CCDC85A: variants seen among roughly 807,000 people sequenced by gnomAD.
CCDC85A encodes coiled-coil domain-containing protein 85A.
CCDC85A carries 38 observed loss-of-function variants against 50.2 expected under a neutral mutation model. That is an observed-to-expected ratio of 0.76 (90% CI 0.58 to 0.99). CCDC85A has a LOEUF of 0.99. Among genes scored for constraint, CCDC85A ranks in the 50% least tolerant of loss-of-function variants. The pLI is 0.00. For missense variants in CCDC85A, 820 were observed against 742.0 expected, an observed-to-expected ratio of 1.11 and a Z score of -1.22; for synonymous variants, 366 against 301.4, an observed-to-expected ratio of 1.21 and a Z score of -2.22.
chr2:56,314,244 G>C (rs1672820568), intron 2 of CCDC85A, among the ~76,000 whole-genome samples: 1 of 151,408 alleles, frequency 6.6e-6, no homozygotes, highest in African/African-American at 2.4e-5. Flanking sequence ...CCTGTGGTCA[G>C]AGCTGGGGTC....
chr2:56,301,091 A>G (rs181386864), intron 2 of CCDC85A, among the ~76,000 whole-genome samples: 1 of 152,312 alleles, frequency 6.6e-6, no homozygotes, highest in African/African-American at 2.4e-5. Context: ...TGAAATATTT[A>G]TTTAGAAAAA....
At chr2:56,360,245 T>A (rs1675456756) in intron 3 of CCDC85A, among the ~76,000 whole-genome samples, 1 of 152,268 alleles carries the variant, frequency 6.6e-6, no homozygotes, top group African/African-American at 2.4e-5. Flanking sequence ...TCTGTAGCAC[T>A]TAATGTTTTC....
intron 2 of CCDC85A, among the ~76,000 whole-genome samples, chr2:56,196,757 G>C (rs1432873942): frequency 6.6e-6 from 1 of 151,736 alleles, no homozygotes. Flanking sequence ...AATGAATGCA[G>C]AAGAAAAAAT....
chr2:56,377,233 G>A (rs2104400621), intron 5 of CCDC85A, among the ~76,000 whole-genome samples: 1 of 152,266 alleles, frequency 6.6e-6, no homozygotes, highest in South Asian at 2.1e-4. Flanking sequence ...AGTGTGAGGG[G>A]GCACTGCTTT....
At chr2:56,268,021 G>A (rs1670528312) in intron 2 of CCDC85A, among the ~76,000 whole-genome samples, 1 of 152,140 alleles carries the variant, frequency 6.6e-6, no homozygotes. Flanking sequence ...GTTAAGTGAT[G>A]CCCCTAAAGC....
chr2:56,370,070 T>C (rs1213396362), intron 3 of CCDC85A, among the ~76,000 whole-genome samples: 1 of 152,042 alleles, frequency 6.6e-6, no homozygotes, highest in Non-Finnish European at 1.5e-5. Context: ...ACTTGGAATT[T>C]TAGAAAACTA....
At chr2:56,233,378 G>C (rs1668860228) in intron 2 of CCDC85A, among the ~76,000 whole-genome samples, 1 of 152,176 alleles carries the variant, frequency 6.6e-6, no homozygotes, top group Non-Finnish European at 1.5e-5. Context: ...AAGAATAGCA[G>C]AGGGAATACA....
intron 2 of CCDC85A, among the ~76,000 whole-genome samples, chr2:56,342,421 G>A (rs879702835): frequency 6.6e-6 from 1 of 152,066 alleles, no homozygotes; most frequent in Non-Finnish European, 1.5e-5. Flanking sequence ...ACTGGATTTC[G>A]GTATTAGATT....
chr2:56,321,159 T>G (rs1002400718), intron 2 of CCDC85A, among the ~76,000 whole-genome samples: 1 of 152,070 alleles, frequency 6.6e-6, no homozygotes, highest in African/African-American at 2.4e-5. Flanking sequence ...GAAGAGCTAT[T>G]TATGACAAAC....
At chr2:56,225,829 C>A (rs961857212) in intron 2 of CCDC85A, among the ~76,000 whole-genome samples, 4 of 152,158 alleles carry the variant, frequency 2.6e-5, no homozygotes, top group Non-Finnish European at 5.9e-5. Flanking sequence ...CTTGATCCTG[C>A]TCTTGTCTCA....
intron 2 of CCDC85A, among the ~76,000 whole-genome samples, chr2:56,308,980 G>A (rs1672567525): frequency 6.6e-6 from 1 of 152,144 alleles, no homozygotes; most frequent in African/African-American, 2.4e-5. Context: ...TTGGAGGAAG[G>A]GAGATCTGTG....
intron 2 of CCDC85A, among the ~76,000 whole-genome samples, chr2:56,322,239 G>A (rs184673792): frequency 4.5e-4 from 68 of 152,182 alleles, no homozygotes; most frequent in African/African-American, 1.4e-3. Flanking sequence ...ATGGGCAAGG[G>A]CTTCATGTCT....
At chr2:56,227,099 C>A (rs1444299031) in intron 2 of CCDC85A, among the ~76,000 whole-genome samples, 1 of 152,084 alleles carries the variant, frequency 6.6e-6, no homozygotes. Flanking sequence ...TGCATAGAAT[C>A]CTCTTTTATT....
intron 3 of CCDC85A, among the ~76,000 whole-genome samples, chr2:56,363,090 A>T (rs945206855): frequency 6.6e-6 from 1 of 152,216 alleles, no homozygotes; most frequent in Non-Finnish European, 1.5e-5. Flanking sequence ...GAATAAAAAA[A>T]TCTTGTTTTC....
intron 2 of CCDC85A, among the ~76,000 whole-genome samples, chr2:56,276,058 T>A (rs1002139983): frequency 3.3e-5 from 5 of 152,164 alleles, no homozygotes; most frequent in Non-Finnish European, 7.3e-5. Flanking sequence ...GTTAATCAAT[T>A]TACTCAGATT....
intron 2 of CCDC85A, among the ~76,000 whole-genome samples, chr2:56,208,633 T>G (rs1677050845): frequency 6.6e-6 from 1 of 152,120 alleles, no homozygotes; most frequent in South Asian, 2.1e-4. Context: ...AAACCCAGGT[T>G]GATTCAGAGA....
At chr2:56,335,292 T>C (rs971902645) in intron 2 of CCDC85A, among the ~76,000 whole-genome samples, 3 of 152,198 alleles carry the variant, frequency 2.0e-5, no homozygotes, top group African/African-American at 7.2e-5. Flanking sequence ...TGAAAAAGCC[T>C]GTGGATAGTG....
At chr2:56,200,430 G>A (rs957139481) in intron 2 of CCDC85A, among the ~76,000 whole-genome samples, 2 of 152,124 alleles carry the variant, frequency 1.3e-5, no homozygotes, top group Non-Finnish European at 2.9e-5. Context: ...TTTGAGATTC[G>A]ATATCAAGAG....
rs572000129 is a variant in CCDC85A, at chr2:56,334,884, G to T, written c.1241-7995G>T. Among the ~76,000 whole-genome samples, 10 of 152,252 alleles carry T rather than the reference G, an allele frequency of 6.6e-5. No individual in the cohort carries two copies. In the South Asian group the frequency reaches 2.1e-3, roughly 32 times the overall value. ...CTGAAAGGATTTCTGCATGGGAGGA[G>T]GGGAAGAGGAACTAACTGTCATCTC... On this transcript the variant is annotated intron_variant, in intron 2 of 5. Coordinates refer to ENST00000407595, the MANE Select transcript of CCDC85A (RefSeq NM_001080433.2).
Sources: allele counts gnomAD v4.1 joint callset (sites outside exome capture counted in the v4.1 genomes callset), GRCh38; gene constraint gnomAD v4.1.1; transcripts MANE v1.5; gene names NCBI Gene and HGNC (gene_info 2026-07-23, HGNC 2026-07-21).